DST: variants seen among roughly 807,000 people sequenced by gnomAD.
The protein encoded by DST is dystonin.
A neutral mutation model predicts 875.2 loss-of-function variants in DST; 253 were observed. That is an observed-to-expected ratio of 0.29 (90% CI 0.26 to 0.32). The LOEUF is 0.32. Ranked by LOEUF, DST falls within the 10% of genes least tolerant of loss-of-function variation. The probability of loss-of-function intolerance (pLI) is 1.00; values close to 1 mark genes in which losing one functional copy is unlikely to be tolerated. For synonymous variants in DST, 3,124 were observed against 3,197.1 expected (o/e 0.98, Z 0.77); for missense variants, 8,287 against 9,111.6 (o/e 0.91, Z 3.68).
At chr6:56,874,096 C>G (rs989724798) in intron 3 of DST, among the ~76,000 whole-genome samples, 8 of 152,190 alleles carry the variant, frequency 5.3e-5, no homozygotes, top group African/African-American at 1.9e-4. Flanking sequence ...GCCTGGGCAA[C>G]ACAGAGAGAC....
In DST at chr6:56,652,718, G is replaced by A. The variant is rs148462752; in HGVS notation, c.1215-1474C>T. Among the ~76,000 whole-genome samples, 893 of 152,218 alleles carry A rather than the reference G, an allele frequency of 5.9e-3. 4 individuals are homozygous for A. Among genetic ancestry groups the A allele is most frequent in the African/African-American group, 0.021 (853 of 41,536 alleles). On this transcript the variant is annotated intron_variant, in intron 10 of 103. Transcript: ENST00000680361. ...TGCACTGTTCATAACCTGGGAATGT[G>A]GTTACCATCACCTACATGCTCATAT...
chr6:56,530,810 G>A (rs1425155413), intron 64 of DST, among the ~76,000 whole-genome samples: 1 of 152,092 alleles, frequency 6.6e-6, no homozygotes, highest in East Asian at 1.9e-4. Flanking sequence ...ACCTGTTTCC[G>A]CTGTCCTCAG....
At chr6:56,720,398 G>A (rs540651331) in intron 5 of DST, among the ~76,000 whole-genome samples, 86 of 147,656 alleles carry the variant, frequency 5.8e-4, no homozygotes, top group African/African-American at 1.8e-3. Flanking sequence ...GGTGTTTCTC[G>A]GAGAGAGGGA....
chr6:56,628,058 T>A lies in DST; in HGVS notation c.4579A>T (p.Ile1527Phe). ...IQQVETTQRK[I>F]QENQPENSKT... is the part of the protein sequence containing the mutation. ...CTATTTTCAGGCTGATTTTCCTGAA[T>A]CTTTCTCTGAGTAGTTTCAACCTGC... The change falls in exon 33 of 104, where the codon ATT becomes TTT. Residue 1527 changes from isoleucine (I) to phenylalanine (F), a missense_variant. Ile to Phe is a conservative substitution (Grantham distance 21). Transcript: ENST00000680361. 1.2e-6 allele frequency: 2 copies of A among 1,613,890 alleles called. No individual in the cohort carries two copies. The highest frequency in any genetic ancestry group is 1.7e-6 in the Non-Finnish European group (2 of 1,179,756).
At chr6:56,520,129 A>G (rs2096668499) in intron 69 of DST, among the ~76,000 whole-genome samples, 2 of 152,206 alleles carry the variant, frequency 1.3e-5, no homozygotes, top group African/African-American at 2.4e-5. Context: ...GATGAGCTCA[A>G]TGAAGGGGAC....
intron 2 of DST, among the ~76,000 whole-genome samples, chr6:56,945,204 T>G (rs1818796915): frequency 6.6e-6 from 1 of 152,234 alleles, no homozygotes; most frequent in Non-Finnish European, 1.5e-5. Context: ...AATTAATTTG[T>G]ATTTTCAAAT....
chr6:56,814,615 G>A (rs547154396), intron 4 of DST, among the ~76,000 whole-genome samples: 14 of 152,278 alleles, frequency 9.2e-5, no homozygotes, highest in African/African-American at 3.4e-4. Context: ...GTCACAGCAA[G>A]TTACAGCTGT....
In DST at chr6:56,670,689, G is replaced by T. The variant is rs760338382; in HGVS notation, c.1166C>A (p.Thr389Asn). 1.2e-6 allele frequency: 2 copies of T among 1,607,426 alleles called. No homozygotes were observed. Among genetic ancestry groups the T allele is most frequent in the African/African-American group, 2.7e-5 (2 of 74,852 alleles). Residue 389 changes from threonine to asparagine, a missense_variant, in exon 10 of 104, where the codon ACC becomes AAC. Physicochemically the swap from Thr to Asn is moderately conservative, Grantham distance 65. Around this residue, in one of 10 missense-constraint regions of DST, gnomAD observed 1,160 missense variants for 1,424.3 expected, o/e 0.81. Coordinates refer to ENST00000680361, the MANE Select transcript of DST (RefSeq NM_001374736.1). ...AAATAATTTTCCATCTCTCCAGCAGGTAGTGAAATTTTCACACCGAATTCC... is the reference window on the plus strand; with the variant it reads ...AAATAATTTTCCATCTCTCCAGCAGTTAGTGAAATTTTCACACCGAATTCC... ...YAGIRCENFT[T>N]CWRDGKLFNA...
chr6:56,764,895 T>C (rs1166427329), intron 4 of DST, among the ~76,000 whole-genome samples: 1 of 148,506 alleles, frequency 6.7e-6, no homozygotes, highest in African/African-American at 2.5e-5. Context: ...AGGCAGAGGT[T>C]GCAGTGAGCC....
At position 56,482,811 on chromosome 6, in the gene DST, G is replaced by C; in HGVS notation, c.21274C>G (p.Leu7092Val). The C allele has an allele frequency of 6.2e-7, 1 of 1,613,538 alleles. No individual in the cohort carries two copies. The highest frequency in any genetic ancestry group is 8.5e-7 in the Non-Finnish European group (1 of 1,179,636). ...GAGTCATCCCGACTGCCTTCTATGA[G>C]TTCTCGGGCTGAGCGCTTCAGGGCC... Reference protein sequence around the residue: ...VQALKRSARELIEGSRDDSSW... With the variant: ...VQALKRSAREVIEGSRDDSSW... The change falls in exon 89 of 104, where the codon CTC becomes GTC. Residue 7092 changes from leucine (L) to valine (V), a missense_variant. This residue lies in a region of DST where 1,292 missense variants were observed against 1,552.7 expected (regional missense o/e 0.83). Coordinates refer to ENST00000680361, the MANE Select transcript of DST (RefSeq NM_001374736.1).
chr6:56,614,296 T>C (rs2098589730), intron 37 of DST, 60 bp downstream of exon 37: 26 of 1,467,274 alleles, frequency 1.8e-5, no homozygotes, highest in Non-Finnish European at 2.4e-5. Context: ...GTAAACTGTG[T>C]CAACTCAGTT....
intron 10 of DST, among the ~76,000 whole-genome samples, chr6:56,657,344 G>C (rs774949745): frequency 1.3e-5 from 2 of 152,242 alleles, no homozygotes; most frequent in Non-Finnish European, 2.9e-5. Context: ...AGGAGGGAGG[G>C]TGGGCATGTC....
chr6:56,545,429 CT>C (rs1484788048), intron 61 of DST, among the ~76,000 whole-genome samples: 1 of 151,196 alleles, frequency 6.6e-6, no homozygotes, highest in Non-Finnish European at 1.5e-5. Flanking sequence ...GCTTTACTTA[CT>C]TTTTGTAGCC....
At chr6:56,818,728 T>C (rs1009777047) in intron 4 of DST, among the ~76,000 whole-genome samples, 2 of 152,144 alleles carry the variant, frequency 1.3e-5, no homozygotes, top group Admixed American at 6.6e-5. Context: ...TTATTTGGGA[T>C]GTTTCTGGAA....
chr6:56,638,473 A>G (rs745468949), intron 22 of DST, among the ~76,000 whole-genome samples: 42 of 152,226 alleles, frequency 2.8e-4, no homozygotes, highest in Non-Finnish European at 5.4e-4. Flanking sequence ...CCTTTCCTCA[A>G]TTGTGAGTTT....
chr6:56,875,500 G>A (rs987961083), intron 3 of DST, among the ~76,000 whole-genome samples: 2 of 152,240 alleles, frequency 1.3e-5, no homozygotes, highest in African/African-American at 4.8e-5. Context: ...CAACTGGGCA[G>A]TTGAAATAAT....
intron 4 of DST, among the ~76,000 whole-genome samples, chr6:56,784,776 G>A (rs368093896): frequency 6.6e-6 from 1 of 152,190 alleles, no homozygotes; most frequent in Non-Finnish European, 1.5e-5. Flanking sequence ...GAGGAACTGC[G>A]TTCCTTTGGA....
chr6:56,845,322 A>G (rs769261480), intron 4 of DST, among the ~76,000 whole-genome samples: 2 of 152,060 alleles, frequency 1.3e-5, no homozygotes, highest in African/African-American at 4.8e-5. Context: ...ACCATTTTCC[A>G]TTAATGCTTA....
chr6:56,690,972 T>C (rs2099224460), intron 9 of DST, among the ~76,000 whole-genome samples: 1 of 152,228 alleles, frequency 6.6e-6, no homozygotes, highest in Non-Finnish European at 1.5e-5. Flanking sequence ...ATATAATGAC[T>C]ACCCATTCAG....
Sources: gnomAD v4.1 joint callset for allele counts (sites outside exome capture counted in the v4.1 genomes callset) on GRCh38, gnomAD v4.1.1 for gene constraint, gnomAD v4.1.1 regional missense constraint, MANE v1.5 for transcripts, NCBI Gene and HGNC (gene_info 2026-07-23, HGNC 2026-07-21) for gene names.